FCHO1: variants seen among roughly 807,000 people sequenced by gnomAD.
The protein encoded by FCHO1 is F-BAR domain only protein 1.
FCHO1 carries 45 observed loss-of-function variants against 114.4 expected under a neutral mutation model. The observed-to-expected ratio is 0.39, with a 90% confidence interval of 0.31 to 0.50. The LOEUF is 0.50. Among genes scored for constraint, FCHO1 ranks in the 20% least tolerant of loss-of-function variants. FCHO1 has a pLI of 0.77. For missense variants in FCHO1, 1,042 were observed against 1,209.6 expected, an observed-to-expected ratio of 0.86 and a Z score of 2.06; for synonymous variants, 480 against 488.9, an observed-to-expected ratio of 0.98 and a Z score of 0.24.
intron 26 of FCHO1, among the ~76,000 whole-genome samples, chr19:17,785,650 G>A (rs1347977136): frequency 1.3e-5 from 2 of 152,004 alleles, no homozygotes; most frequent in Non-Finnish European, 2.9e-5. Context: ...TGGTTAATAT[G>A]GTGAAACCCC....
chr19:17,780,104 G>A (rs1053572326), intron 20 of FCHO1, among the ~76,000 whole-genome samples: 5 of 151,086 alleles, frequency 3.3e-5, no homozygotes, highest in Non-Finnish European at 7.4e-5. Context: ...CCAGGCTGGA[G>A]CCCGTTCAAG....
At chr19:17,769,595 A>G (rs1464284494) in intron 7 of FCHO1, among the ~76,000 whole-genome samples, 3 of 62,096 alleles carry the variant, frequency 4.8e-5, no homozygotes, top group African/African-American at 1.4e-4. Context: ...ACACACACAC[A>G]CACACACACA....
chr19:17,774,421 C>A lies in FCHO1; in HGVS notation c.863C>A (p.Ala288Asp), dbSNP rs2092319153. 2 of 1,613,818 alleles carry A rather than the reference C, an allele frequency of 1.2e-6. No homozygotes were observed. Among genetic ancestry groups the A allele is most frequent in the Non-Finnish European group, 1.7e-6 (2 of 1,180,028 alleles). ...EAMKRLRGAK[A>D]FRLPGLSRRE... ...ATGAAACGTTTGCGGGGAGCCAAGG[C>A]CTTTCGCCTTCCAGGACTAAGCCGG... The change falls in exon 13 of 29, where the codon GCC becomes GAC. Residue 288 changes from alanine (A) to aspartate (D), a missense_variant. Ala to Asp is a moderately radical substitution (Grantham distance 126). Coordinates refer to ENST00000596536, the MANE Select transcript of FCHO1 (RefSeq NM_015122.3).
chr19:17,775,527 A>T lies in FCHO1; in HGVS notation c.1003+14A>T. ...TGACCCAGAACAATATCCTTCTGGCACCCCCTGGGGGCAGTTGTTGGCACA... is the reference window on the plus strand; with the variant it reads ...TGACCCAGAACAATATCCTTCTGGCTCCCCCTGGGGGCAGTTGTTGGCACA... On this transcript the variant is annotated intron_variant, in intron 15 of 28. Transcript: ENST00000596536. This position sits in a 1 kb window ranked among gnomAD's most constrained non-coding sequence, Gnocchi z 5.1. The T allele has an allele frequency of 1.9e-6, 3 of 1,612,554 alleles. No individual in the cohort carries two copies. Among genetic ancestry groups the T allele is most frequent in the Non-Finnish European group, 2.5e-6 (3 of 1,178,922 alleles).
Position 17,784,116 on chromosome 19 carries a change from A to G in FCHO1, c.2107A>G (p.Ser703Gly), listed in dbSNP as rs778741664. The G allele has an allele frequency of 1.2e-5, 19 of 1,614,100 alleles. No individual in the cohort carries two copies. The highest frequency in any genetic ancestry group is 1.6e-5 in the Non-Finnish European group (19 of 1,180,002). ...ADLLFSDPSQ[S>G]DPETKDFWLN... is the part of the protein sequence containing the mutation. ...GGGTCTCTGCAGTGACCCCTCCCAG[A>G]GTGACCCTGAGACCAAAGACTTCTG... The change falls in exon 25 of 29, where the codon AGT (serine) becomes GGT (glycine). Residue 703 changes from serine (S) to glycine (G), a missense_variant. Ser to Gly is a moderately conservative substitution (Grantham distance 56). Transcript: ENST00000596536. This position sits in a 1 kb window ranked among gnomAD's most constrained non-coding sequence, Gnocchi z 5.3.
intron 7 of FCHO1, among the ~76,000 whole-genome samples, chr19:17,767,253 T>TA (rs2089614375): frequency 6.6e-6 from 1 of 151,586 alleles, no homozygotes; most frequent in South Asian, 2.1e-4. Flanking sequence ...GGCTAATTTT[T>TA]AAAAAATGTT....
rs2092637074 is a variant in FCHO1 at position 17,776,406 on chromosome 19, T to G, written c.1207+135T>G. 8.3e-7 allele frequency: 1 copy of G among 1,206,684 alleles called. No homozygotes were observed. Among genetic ancestry groups the G allele is most frequent in the African/African-American group, 1.5e-5 (1 of 66,988 alleles). The allele number at this position is 1,206,684 out of a possible 1,614,324, so 74.7% of individuals were successfully genotyped here. A position where few individuals can be genotyped will look rare whatever the true frequency, so the allele number is the denominator to read the frequency against. ...CACTGACCTTCAGTCTCCTTTTCTG[T>G]AAAATGAGGTCATTATGAAATTAAG... On this transcript the variant is annotated intron_variant, in intron 17 of 28. Coordinates refer to ENST00000596536, the MANE Select transcript of FCHO1 (RefSeq NM_015122.3). The surrounding 1 kb of genome is among the most constrained non-coding windows in gnomAD (Gnocchi z 4.4).
chr19:17,762,589 G>A, intron 4 of FCHO1, 173 bp from the exon 5 acceptor site: 5 of 650,458 alleles, frequency 7.7e-6, no homozygotes, highest in Non-Finnish European at 1.4e-5. Flanking sequence ...CAAATTTAAG[G>A]TCCATAGACA....
intron 23 of FCHO1, among the ~76,000 whole-genome samples, chr19:17,782,437 C>A (rs1183160342): frequency 2.0e-5 from 3 of 152,150 alleles, no homozygotes; most frequent in Non-Finnish European, 2.9e-5. Context: ...CTCCTGGCCT[C>A]AAGTAATCCA....
intron 11 of FCHO1, 116 bp downstream of exon 11, chr19:17,772,857 T>C: frequency 6.9e-6 from 5 of 723,508 alleles, no homozygotes; most frequent in Non-Finnish European, 1.1e-5. Flanking sequence ...GAGACGAGGT[T>C]TCACCATGTT....
intron 23 of FCHO1, 70 bp from the exon 24 acceptor site, chr19:17,782,947 C>G (rs2093560522): frequency 1.9e-6 from 3 of 1,562,760 alleles, no homozygotes; most frequent in Non-Finnish European, 2.6e-6. Flanking sequence ...CCAGTGAAAC[C>G]AAGAGAAGGG....
intron 23 of FCHO1, among the ~76,000 whole-genome samples, 167 bp downstream of exon 23, chr19:17,781,987 CTTTTTTTTTTTTTT>C (rs67498129): frequency 1.7e-4 from 21 of 126,046 alleles, no homozygotes; most frequent in African/African-American, 4.4e-4. Context: ...ATAGGAGGGC[CTTTTTTTTTTTTTT>C]TTTTTTTTTT....
chr19:17,776,126 A>G lies in FCHO1; in HGVS notation c.1147A>G (p.Thr383Ala). Residue 383 changes from threonine to alanine, a missense_variant, in exon 16 of 29, where the codon ACC (threonine) becomes GCC (alanine). This residue lies in a region of FCHO1 where 450 missense variants were observed against 564.1 expected (regional missense o/e 0.80). Coordinates refer to ENST00000596536, the MANE Select transcript of FCHO1 (RefSeq NM_015122.3). This position sits in a 1 kb window ranked among gnomAD's most constrained non-coding sequence, Gnocchi z 4.4. Reference protein sequence around the residue: ...PEAAAAQLRATAGSLILPPGP... With the variant: ...PEAAAAQLRAAAGSLILPPGP... ...GGCAGCAGCGGCACAGCTCAGGGCC[A>G]CCGCGGGCAGCCTCATCCTTCCTCC... The G allele has an allele frequency of 6.2e-7, 1 of 1,613,292 alleles. No homozygotes were observed.
At chr19:17,783,253 C>T in intron 24 of FCHO1, 81 bp downstream of exon 24, 5 of 1,432,074 alleles carry the variant, frequency 3.5e-6, no homozygotes, top group Non-Finnish European at 3.8e-6. Flanking sequence ...CTCTCTGCTT[C>T]CTGGGATTTT....
In FCHO1 at chr19:17,784,079, G is replaced by T; in HGVS notation, c.2094-24G>T. 6.2e-7 allele frequency: 1 copy of T among 1,606,874 alleles called. No homozygotes were observed. Among genetic ancestry groups the T allele is most frequent in the Non-Finnish European group, 8.5e-7 (1 of 1,174,888 alleles). On this transcript the variant is annotated intron_variant, in intron 24 of 28. Transcript: ENST00000596536. The surrounding 1 kb of genome is among the most constrained non-coding windows in gnomAD (Gnocchi z 5.3). Reference sequence around the variant, plus strand: ...TGGGAGGGCATGTCCCGAGGATTGGGGTGATCAGTCCGGGTCTCTGCAGTG... The same window carrying T: ...TGGGAGGGCATGTCCCGAGGATTGGTGTGATCAGTCCGGGTCTCTGCAGTG...
At chr19:17,757,563 C>G (rs1164549071) in intron 4 of FCHO1, among the ~76,000 whole-genome samples, 1 of 152,076 alleles carries the variant, frequency 6.6e-6, no homozygotes, top group Non-Finnish European at 1.5e-5. Context: ...CCAAAGTGAC[C>G]CTGTACGTAT....
chr19:17,776,040 C>T lies in FCHO1; in HGVS notation c.1061C>T (p.Pro354Leu), dbSNP rs1029332314. The T allele has an allele frequency of 1.2e-6, 2 of 1,610,286 alleles. No individual in the cohort carries two copies. The highest frequency in any genetic ancestry group is 1.3e-5 in the African/African-American group (1 of 74,898). ...SSDSDFDDEE[P>L]RKFYVHIKPA... ...GACTCCGACTTCGACGATGAAGAGC[C>T]CCGCAAGTTCTATGTGCACATCAAG... Residue 354 changes from proline to leucine, a missense_variant, in exon 16 of 29, where the codon CCC becomes CTC. Transcript: ENST00000596536. This position sits in a 1 kb window ranked among gnomAD's most constrained non-coding sequence, Gnocchi z 4.4.
chr19:17,778,612 C>T lies in FCHO1; in HGVS notation c.1355C>T (p.Ser452Phe). ...ACCGCCCGCTTCCCTCCCCAAGGCT[C>T]TAGCAGCCTGGGCTTCACCTCCAGC... ...SAFDHEDFTG[S>F]SSLGFTSSPS... is the part of the protein sequence containing the mutation. The change falls in exon 20 of 29, where the codon TCT becomes TTT. Residue 452 changes from serine to phenylalanine, a missense_variant. Around this residue, in one of 3 missense-constraint regions of FCHO1, gnomAD observed 455 missense variants for 455.4 expected, o/e 1.00. Coordinates refer to ENST00000596536, the MANE Select transcript of FCHO1 (RefSeq NM_015122.3). 1 of 1,557,016 alleles carries T rather than the reference C, an allele frequency of 6.4e-7. No individual in the cohort carries two copies. Among genetic ancestry groups the T allele is most frequent in the Non-Finnish European group, 8.7e-7 (1 of 1,151,540 alleles).
Position 17,754,360 on chromosome 19 carries a change from A to C in FCHO1, c.-139A>C, listed in dbSNP as rs912792740. ...GGAGCTGGACAGTGACTCAGACACC[A>C]GGTGAACACTGGCTTTTGAGGGCAG... On this transcript the variant is annotated splice_region_variant and 5_prime_UTR_variant, in exon 2 of 29. Transcript: ENST00000596536. 1 of 152,518 alleles carries C rather than the reference A, an allele frequency of 6.6e-6. No homozygotes were observed. Among genetic ancestry groups the C allele is most frequent in the African/African-American group, 2.4e-5 (1 of 41,478 alleles). 9.4% of individuals were successfully genotyped at this position (152,518 alleles called of 1,614,324 possible). A position where few individuals can be genotyped will look rare whatever the true frequency, so the allele number is the denominator to read the frequency against.
Sources: gnomAD v4.1 joint callset for allele counts (sites outside exome capture counted in the v4.1 genomes callset) on GRCh38, gnomAD v4.1.1 for gene constraint, gnomAD v4.1.1 regional missense constraint, Gnocchi (gnomAD v3.1) non-coding constraint, MANE v1.5 for transcripts, NCBI Gene and HGNC (gene_info 2026-07-23, HGNC 2026-07-21) for gene names.